Variants in TEX264 observed in about 807,000 individuals in gnomAD.
TEX264 encodes the protein testis-expressed protein 264.
TEX264 carries 13 observed loss-of-function variants against 23.4 expected under a neutral mutation model. The observed-to-expected ratio is 0.56, with a 90% CI of 0.36 to 0.88. TEX264 has a LOEUF of 0.88. Among genes scored for constraint, TEX264 ranks in the 40% least tolerant of loss-of-function variants. The probability of loss-of-function intolerance (pLI) is 0.01; values close to 1 mark genes in which losing one functional copy is unlikely to be tolerated. For synonymous variants in TEX264, 159 were observed against 170.0 expected (o/e 0.94, Z 0.50); for missense variants, 340 against 406.8 (o/e 0.84, Z 1.41).
chr3:51,684,353 A>AGGAGGTCTGAGGGCCTCC, intron 2 of TEX264, 60 bp from the exon 3 acceptor site: 2 of 1,495,662 alleles, frequency 1.3e-6, no homozygotes, highest in African/African-American at 2.8e-5. Flanking sequence ...CCCAGGAGGA[A>AGGAGGTCTGAGGGCCTCC]GGAGGTCTGA....
chr3:51,678,935 T>G (rs2106918854), intron 2 of TEX264, among the ~76,000 whole-genome samples: 1 of 152,320 alleles, frequency 6.6e-6, no homozygotes, highest in Admixed American at 6.5e-5. Flanking sequence ...TCCTGAGGGC[T>G]CAGGCCGCCC....
chr3:51,673,287 T>G (rs374600503), intron 1 of TEX264, among the ~76,000 whole-genome samples: 2 of 152,190 alleles, frequency 1.3e-5, no homozygotes, highest in African/African-American at 4.8e-5. Flanking sequence ...GCTGTGATTT[T>G]TCCCCCCCGC....
At chr3:51,673,009 G>A (rs376653519) in intron 1 of TEX264, among the ~76,000 whole-genome samples, 1 of 152,174 alleles carries the variant, frequency 6.6e-6, no homozygotes, top group African/African-American at 2.4e-5. Flanking sequence ...TCTTGACACC[G>A]AAAGTTTAGA....
intron 2 of TEX264, among the ~76,000 whole-genome samples, chr3:51,679,068 C>G (rs1702331629): frequency 1.3e-5 from 2 of 152,160 alleles, no homozygotes; most frequent in Admixed American, 1.3e-4. Context: ...TAGAACTGTC[C>G]TTGAGGTGAG....
chr3:51,684,759 G>T, intron 3 of TEX264, 125 bp downstream of exon 3: 1 of 862,334 alleles, frequency 1.2e-6, no homozygotes, highest in Middle Eastern at 3.3e-4. Flanking sequence ...GGCCCTCATG[G>T]AACAGGTACC....
At position 51,691,026 on chromosome 3, in the gene TEX264, G is replaced by T. The variant is rs1232959704; in HGVS notation, c.480+6392G>T. On this transcript the variant is annotated intron_variant, in intron 3 of 4. Transcript: ENST00000341333. The surrounding 1 kb of genome is among the most constrained non-coding windows in gnomAD (Gnocchi z 4.4). ...TTGTCATCAATTTGGGATATGCTCGGGATGGTGCCCCAGGGTGGGCTTTCT... is the reference window on the plus strand; with the variant it reads ...TTGTCATCAATTTGGGATATGCTCGTGATGGTGCCCCAGGGTGGGCTTTCT... Among the ~76,000 whole-genome samples, 1 of 152,202 alleles carries T rather than the reference G, an allele frequency of 6.6e-6. No individual in the cohort carries two copies. Among genetic ancestry groups the T allele is most frequent in the Non-Finnish European group, 1.5e-5 (1 of 68,032 alleles).
chr3:51,676,674 G>A (rs543370294), intron 2 of TEX264, among the ~76,000 whole-genome samples: 1 of 152,304 alleles, frequency 6.6e-6, no homozygotes, highest in East Asian at 1.9e-4. Context: ...TAAAATACCT[G>A]CTTCATAGTA....
rs61737032 is a variant in TEX264, at chr3:51,703,979, T to C, written c.905T>C (p.Leu302Pro). The C allele has an allele frequency of 9.3e-3, 14,502 of 1,555,102 alleles. 911 individuals carry two copies. The African/African-American group carries it at 0.15, about 17-fold the overall frequency. The change falls in exon 5 of 5, where the codon CTC becomes CCC. Residue 302 changes from leucine (L) to proline (P), a missense_variant. By Grantham distance (98) the Leu-to-Pro change is moderately conservative (BLOSUM62 -3). Transcript: ENST00000341333. This position sits in a 1 kb window ranked among gnomAD's most constrained non-coding sequence, Gnocchi z 4.8. The stretch of plus-strand genomic sequence containing the variant: ...GAGCCCCTGGGGACTACCAAGTGGC[T>C]CTGGGAGCCCACTGCCCCTGAGAAG... The part of the protein sequence containing the change: ...GTEPLGTTKW[L>P]WEPTAPEKGK...
At position 51,674,347 on chromosome 3, in the gene TEX264, C is replaced by T. The variant is rs141543510; in HGVS notation, c.43C>T (p.Leu15Phe). The T allele has an allele frequency of 1.2e-6, 2 of 1,614,116 alleles. No individual in the cohort carries two copies. Among genetic ancestry groups the T allele is most frequent in the Admixed American group, 1.7e-5 (1 of 60,012 alleles). Residue 15 changes from leucine (L) to phenylalanine (F), a missense_variant, in exon 2 of 5, where the codon CTC becomes TTC. Coordinates refer to ENST00000341333, the MANE Select transcript of TEX264 (RefSeq NM_015926.6). The part of the protein sequence containing the change: ...LLLGLIGGLT[L>F]LLLLTLLAFA... ...ACTGGGCCTGATTGGGGGCCTGACT[C>T]TCTTACTGCTGCTGACGCTGCTGGC...
chr3:51,672,071 A>C (rs1702064900), intron 1 of TEX264: 1 of 152,326 alleles, frequency 6.6e-6, no homozygotes, highest in African/African-American at 2.4e-5. Context: ...GAGACCTGAC[A>C]TTGTAAAGCT....
rs567170666 is a variant in TEX264, at chr3:51,691,161, G to A, written c.480+6527G>A. On this transcript the variant is annotated intron_variant, in intron 3 of 4. Transcript: ENST00000341333. The surrounding 1 kb of genome is among the most constrained non-coding windows in gnomAD (Gnocchi z 4.4). The stretch of plus-strand genomic sequence containing the variant: ...ACAGGAAGAGGCTGTGTACCCGCTT[G>A]CCCAGCAGGCACTCATTAAGGCAGG... Among the ~76,000 whole-genome samples, 2 of 152,306 alleles carry A rather than the reference G, an allele frequency of 1.3e-5. No homozygotes were observed. The highest frequency in any genetic ancestry group is 6.5e-5 in the Admixed American group (1 of 15,302).
chr3:51,687,777 T>G (rs1309442104), intron 3 of TEX264, among the ~76,000 whole-genome samples: 1 of 152,116 alleles, frequency 6.6e-6, no homozygotes. Flanking sequence ...GGAGAGCAGC[T>G]GCTGTCCCGG....
rs755684809 is a variant in TEX264, at chr3:51,691,874, A to C, written c.480+7240A>C. Among the ~76,000 whole-genome samples the C allele has an allele frequency of 6.6e-6, 1 of 152,222 alleles. No individual in the cohort carries two copies. The highest frequency in any genetic ancestry group is 2.1e-4 in the South Asian group (1 of 4,830). On this transcript the variant is annotated intron_variant, in intron 3 of 4. Coordinates refer to ENST00000341333, the MANE Select transcript of TEX264 (RefSeq NM_015926.6). The surrounding 1 kb of genome is among the most constrained non-coding windows in gnomAD (Gnocchi z 4.4). Reference sequence around the variant, plus strand: ...GACTTTTCATTCCCAGATGTCCCCAAGCCAAGAGGCGATCCTCCCACCATA... The same window carrying C: ...GACTTTTCATTCCCAGATGTCCCCACGCCAAGAGGCGATCCTCCCACCATA...
intron 3 of TEX264, among the ~76,000 whole-genome samples, chr3:51,692,084 G>A (rs925002458): frequency 2.0e-5 from 3 of 152,202 alleles, no homozygotes; most frequent in African/African-American, 7.2e-5. Context: ...CTAGGGCGGC[G>A]TGGGAGCCAC....
chr3:51,684,435 G>A lies in TEX264; in HGVS notation c.281G>A (p.Cys94Tyr). ...CAGGTGCCCCCTGATAAGTGCCGAT[G>A]TGCCGTGGGCAGCATCCTGAGTGAA... ...PHMVPPDKCR[C>Y]AVGSILSEGE... is the part of the protein sequence containing the mutation. The change falls in exon 3 of 5, where the codon TGT becomes TAT. Residue 94 changes from cysteine to tyrosine, a missense_variant. Coordinates refer to ENST00000341333, the MANE Select transcript of TEX264 (RefSeq NM_015926.6). 6.2e-7 allele frequency: 1 copy of A among 1,614,182 alleles called. No individual in the cohort carries two copies. Among genetic ancestry groups the A allele is most frequent in the Non-Finnish European group, 8.5e-7 (1 of 1,180,016 alleles).
Position 51,686,538 on chromosome 3 carries a change from G to A in TEX264, c.480+1904G>A, listed in dbSNP as rs1463130425. On this transcript the variant is annotated intron_variant, in intron 3 of 4. Transcript: ENST00000341333. This position sits in a 1 kb window ranked among gnomAD's most constrained non-coding sequence, Gnocchi z 4.1. ...GAAGAATCAGGAGTGAGAAGACCTG[G>A]AAAGGGGAGGGCTGTCACGGTGATA... 6.6e-6 allele frequency among the ~76,000 whole-genome samples: 1 copy of A among 152,168 alleles called. No individual in the cohort carries two copies. The highest frequency in any genetic ancestry group is 1.5e-5 in the Non-Finnish European group (1 of 68,030).
At position 51,691,518 on chromosome 3, in the gene TEX264, C is replaced by G. The variant is rs115400355; in HGVS notation, c.480+6884C>G. 1.3e-5 allele frequency among the ~76,000 whole-genome samples: 2 copies of G among 152,134 alleles called. No homozygotes were observed. The highest frequency in any genetic ancestry group is 2.4e-5 in the African/African-American group (1 of 41,432). ...TGGGAAAGGCAAAACAACCCTTGTG[C>G]GGTGGTGGCATTTGGGCTGCACCTA... On this transcript the variant is annotated intron_variant, in intron 3 of 4. Transcript: ENST00000341333. The surrounding 1 kb of genome is among the most constrained non-coding windows in gnomAD (Gnocchi z 4.4).
At chr3:51,700,115 A>T (rs949255017) in intron 4 of TEX264, among the ~76,000 whole-genome samples, 5 of 152,132 alleles carry the variant, frequency 3.3e-5, no homozygotes, top group African/African-American at 1.2e-4. Flanking sequence ...CTCCAGGGCC[A>T]GCCCACACTC....
chr3:51,701,628 C>T (rs1003782433), intron 4 of TEX264, among the ~76,000 whole-genome samples: 2 of 151,100 alleles, frequency 1.3e-5, no homozygotes, highest in African/African-American at 2.4e-5. Context: ...AGCTGGATTC[C>T]TTTTTTTTGT....
Sources: gnomAD v4.1 joint callset for allele counts (sites outside exome capture counted in the v4.1 genomes callset) on GRCh38, gnomAD v4.1.1 for gene constraint, Gnocchi (gnomAD v3.1) non-coding constraint, MANE v1.5 for transcripts, NCBI Gene and HGNC (gene_info 2026-07-23, HGNC 2026-07-21) for gene names.